ADGRE3: variants seen among roughly 807,000 people sequenced by gnomAD.
ADGRE3 encodes adhesion G protein-coupled receptor E3.
ADGRE3 carries 88 observed loss-of-function variants against 80.1 expected under a neutral mutation model. The observed-to-expected ratio is 1.10, with a 90% CI of 0.93 to 1.31. ADGRE3 has a LOEUF of 1.31. ADGRE3 is among the 40% of genes most tolerant of loss of function. The pLI is 0.00. For missense variants in ADGRE3, 715 were observed against 776.5 expected (o/e 0.92, Z 0.94); for synonymous variants, 281 against 294.8 (o/e 0.95, Z 0.48).
At chr19:14,628,753 C>G in intron 14 of ADGRE3, 1 of 334,852 alleles carries the variant, frequency 3.0e-6, no homozygotes, top group East Asian at 1.0e-4. Flanking sequence ...GCCAGTGTTA[C>G]AAGGAAGGCT....
At chr19:14,648,033 G>A (rs1030009461) in intron 7 of ADGRE3, among the ~76,000 whole-genome samples, 6 of 137,046 alleles carry the variant, frequency 4.4e-5, no homozygotes, top group African/African-American at 1.1e-4. Flanking sequence ...AGTAAGCTGC[G>A]ATCACGCCAC....
At chr19:14,602,230 G>A in the ADGRE3 span, among the ~76,000 whole-genome samples, 8 of 151,940 alleles carry the variant, frequency 5.3e-5, no homozygotes, top group Non-Finnish European at 8.8e-5. Flanking sequence ...TATATAGTTG[G>A]GTTTGGATTT....
rs751266096 is a variant in ADGRE3, at chr19:14,668,800, A to T, written c.76+2T>A. 2 of 1,613,852 alleles carry T rather than the reference A, an allele frequency of 1.2e-6. No homozygotes were observed. The highest frequency in any genetic ancestry group is 1.7e-6 in the Non-Finnish European group (2 of 1,179,834). On this transcript the variant is annotated splice_donor_variant, in intron 2 of 15. Coordinates refer to ENST00000253673, the MANE Select transcript of ADGRE3 (RefSeq NM_032571.5). LOFTEE classifies it high-confidence loss of function. ...TTCTCTGTTCTGGCTCTGAGCACTC[A>T]CTTTTGGTTTTCTGAGTCACAGCTC... is the stretch of plus-strand genomic sequence containing the variant.
intron 9 of ADGRE3, among the ~76,000 whole-genome samples, chr19:14,642,565 G>T (rs950887714): frequency 2.6e-5 from 4 of 151,952 alleles, no homozygotes; most frequent in South Asian, 2.1e-4. Flanking sequence ...TATTTTTCCT[G>T]GTCCTCTCCC....
chr19:14,603,814 C>T, the ADGRE3 span, among the ~76,000 whole-genome samples: 1 of 152,142 alleles, frequency 6.6e-6, no homozygotes, highest in African/African-American at 2.4e-5. Flanking sequence ...TTCCTGAGCA[C>T]CTACTATGTG....
intron 6 of ADGRE3, among the ~76,000 whole-genome samples, chr19:14,652,422 T>C (rs929185615): frequency 6.6e-6 from 1 of 151,980 alleles, no homozygotes; most frequent in African/African-American, 2.4e-5. Flanking sequence ...TCCTATTTCC[T>C]TTTGTGCATA....
Position 14,633,020 on chromosome 19 carries a change from A to T in ADGRE3, c.1552-8T>A, listed in dbSNP as rs1257454230. The T allele has an allele frequency of 2.5e-6, 4 of 1,606,106 alleles. No homozygotes were observed. ...AAACAATACTAAATTCGCCTGCAGG[A>T]CCAACACAAACAAGGCAGAGTGCAA... is the stretch of plus-strand genomic sequence containing the variant. On this transcript the variant is annotated splice_region_variant and splice_polypyrimidine_tract_variant and intron_variant, in intron 12 of 15. Coordinates refer to ENST00000253673, the MANE Select transcript of ADGRE3 (RefSeq NM_032571.5).
chr19:14,602,396 T>C, the ADGRE3 span, among the ~76,000 whole-genome samples: 1 of 152,082 alleles, frequency 6.6e-6, no homozygotes, highest in Non-Finnish European at 1.5e-5. Context: ...CTCAAGTGAT[T>C]ATCCCACCTC....
chr19:14,610,159 C>T, the ADGRE3 span: 2 of 1,592,364 alleles, frequency 1.3e-6, no homozygotes, highest in East Asian at 2.3e-5. Context: ...TGCTACAAAA[C>T]TACGTATTGG....
the ADGRE3 span, chr19:14,607,035 C>G: frequency 7.5e-7 from 1 of 1,340,988 alleles, no homozygotes; most frequent in South Asian, 1.9e-5. Context: ...GGTGTACTGG[C>G]TGGGGCTGAA....
the ADGRE3 span, among the ~76,000 whole-genome samples, chr19:14,607,414 A>T: frequency 6.6e-6 from 1 of 151,728 alleles, no homozygotes; most frequent in East Asian, 1.9e-4. Context: ...CGTGTTAGCC[A>T]GGATGGTCTT....
chr19:14,637,593 G>T (rs1011474419), intron 11 of ADGRE3, among the ~76,000 whole-genome samples: 6 of 151,078 alleles, frequency 4.0e-5, no homozygotes, highest in African/African-American at 1.5e-4. Context: ...TAGACACAAG[G>T]TCTTGCTATG....
At chr19:14,610,529 G>A in the ADGRE3 span, 1 of 240,986 alleles carries the variant, frequency 4.1e-6, no homozygotes, top group Non-Finnish European at 8.2e-6. Context: ...TGGGGCTGGT[G>A]TTGAACCTGG....
intron 11 of ADGRE3, among the ~76,000 whole-genome samples, chr19:14,634,043 C>T (rs1357741269): frequency 6.6e-6 from 1 of 151,942 alleles, no homozygotes; most frequent in Non-Finnish European, 1.5e-5. Flanking sequence ...TCCCAAAGTG[C>T]TGGGATTACA....
In ADGRE3 at chr19:14,621,088, C is replaced by T. The variant is rs1377355287; in HGVS notation, c.1921-1617G>A. On this transcript the variant is annotated intron_variant, in intron 15 of 15. Transcript: ENST00000253673. The stretch of plus-strand genomic sequence containing the variant: ...AGGCTGGAGTGCAATGGCATGATCT[C>T]GGCTCACCGTAATCTTTGCCTCCCA... Among the ~76,000 whole-genome samples, 6 of 151,902 alleles carry T rather than the reference C, an allele frequency of 3.9e-5. No individual in the cohort carries two copies. In the East Asian group the frequency reaches 7.8e-4, roughly 20 times the overall value.
intron 7 of ADGRE3, 45 bp from the exon 8 acceptor site, chr19:14,647,410 C>CA: frequency 2.1e-6 from 2 of 939,994 alleles, no homozygotes; most frequent in Non-Finnish European, 2.9e-6. Flanking sequence ...TCTTTTCTTT[C>CA]TTTTTTTTTT....
chr19:14,600,281 G>A, the ADGRE3 span: 1 of 1,421,438 alleles, frequency 7.0e-7, no homozygotes, highest in African/African-American at 1.4e-5. Flanking sequence ...CAAGAAATTA[G>A]AATTACTTTT....
intron 2 of ADGRE3, among the ~76,000 whole-genome samples, chr19:14,665,684 G>T (rs1023492466): frequency 2.6e-5 from 4 of 151,214 alleles, no homozygotes; most frequent in Admixed American, 6.6e-5. Flanking sequence ...TAGAGATGGG[G>T]TTCTTGCTAT....
intron 15 of ADGRE3, among the ~76,000 whole-genome samples, chr19:14,620,629 G>A: frequency 8.4e-6 from 1 of 118,708 alleles, no homozygotes; most frequent in Non-Finnish European, 1.7e-5. Flanking sequence ...ACCCAGGCTG[G>A]AGTGCAGTGG....
Sources: gnomAD v4.1 joint callset for allele counts (sites outside exome capture counted in the v4.1 genomes callset) on GRCh38, gnomAD v4.1.1 for gene constraint, MANE v1.5 for transcripts, NCBI Gene and HGNC (gene_info 2026-07-23, HGNC 2026-07-21) for gene names.